The following RNF38 variants were observed in gnomAD, a reference collection of about 807,000 sequenced individuals.
The protein encoded by RNF38 is E3 ubiquitin-protein ligase RNF38.
A neutral mutation model predicts 67.2 loss-of-function variants in RNF38; 15 were observed. The observed-to-expected ratio is 0.22, with a 90% CI of 0.15 to 0.34. RNF38 has a LOEUF of 0.34. RNF38 is among the 10% of genes least tolerant of loss of function. The pLI, the probability that RNF38 is intolerant of heterozygous loss-of-function variation, is 1.00. For missense variants in RNF38, 524 were observed against 639.9 expected, an observed-to-expected ratio of 0.82 and a Z score of 1.95; for synonymous variants, 220 against 218.8, an observed-to-expected ratio of 1.01 and a Z score of -0.05.
chr9:36,474,748 A>T (rs1304922493), intron 1 of RNF38, among the ~76,000 whole-genome samples: 1 of 148,542 alleles, frequency 6.7e-6, no homozygotes, highest in Non-Finnish European at 1.5e-5. Flanking sequence ...AGTGACCACT[A>T]TTATCTAGAT....
At chr9:36,400,469 G>A, upstream of RNF38, 3 of 1,026,862 alleles carry the variant, frequency 2.9e-6, no homozygotes, top group Non-Finnish European at 3.5e-6. Context: ...CTTAGCCCAA[G>A]ACTCGGGCGC....
At chr9:36,444,909 G>A (rs1449323841) in intron 1 of RNF38, among the ~76,000 whole-genome samples, 1 of 143,678 alleles carries the variant, frequency 7.0e-6, no homozygotes, top group Non-Finnish European at 1.5e-5. Flanking sequence ...GCAGCTTTAA[G>A]AGCCATTCTC....
At chr9:36,362,292 A>G (rs1014521831) in intron 4 of RNF38, among the ~76,000 whole-genome samples, 2 of 151,444 alleles carry the variant, frequency 1.3e-5, no homozygotes, top group African/African-American at 4.9e-5. Flanking sequence ...CAGGAGGCGG[A>G]GGTTGCAGTG....
chr9:36,429,839 T>G (rs1838884042), intron 1 of RNF38, among the ~76,000 whole-genome samples: 1 of 152,200 alleles, frequency 6.6e-6, no homozygotes, highest in Non-Finnish European at 1.5e-5. Flanking sequence ...GTAATTGTAC[T>G]ACAGTTTTAC....
intron 1 of RNF38, among the ~76,000 whole-genome samples, chr9:36,434,204 C>A (rs1048053164): frequency 8.9e-5 from 13 of 145,848 alleles, no homozygotes; most frequent in African/African-American, 3.3e-4. Context: ...CCACTGCACT[C>A]CAGCTTGCCG....
At chr9:36,429,509 A>G (rs1440615179) in intron 1 of RNF38, among the ~76,000 whole-genome samples, 5 of 152,192 alleles carry the variant, frequency 3.3e-5, no homozygotes. Flanking sequence ...TATAAGACAC[A>G]GTGGCTCACG....
At position 36,407,130 on chromosome 9, in the gene RNF38, T is replaced by G. The variant is rs558606385; in HGVS notation, n.313-16514A>C. ...AACTTGATCTACTACTGCAAAACAA[T>G]CAGCATAAGCAGTTTCACCCAGAAA... On this transcript the variant is annotated intron_variant and non_coding_transcript_variant, in intron 2 of 3. Coordinates refer to the RNF38 transcript ENST00000488058. Among the ~76,000 whole-genome samples the G allele has an allele frequency of 1.3e-4, 20 of 152,308 alleles. No homozygotes were observed. The South Asian group carries it at 2.3e-3, about 17-fold the overall frequency.
At position 36,337,649 on chromosome 9, in the gene RNF38, A is replaced by AT. The variant is rs147870982; in HGVS notation, c.*2102dup. 24,405 of 152,408 alleles carry AT rather than the reference A, an allele frequency of 0.16. 2,573 individuals carry two copies. The highest frequency in any genetic ancestry group is 0.23 in the Non-Finnish European group (15,573 of 67,948). 9.4% of individuals were successfully genotyped at this position (152,408 alleles called of 1,614,324 possible). On this transcript the variant is annotated 3_prime_UTR_variant, in exon 12 of 12. Transcript: ENST00000259605. ...ATGGGCTTTTGCCATTTTAAACATG[A>AT]TTTTTTTTCATTAAAAAAGATTAAA...
chr9:36,443,011 T>C (rs1197089330), intron 1 of RNF38, among the ~76,000 whole-genome samples: 2 of 152,234 alleles, frequency 1.3e-5, no homozygotes, highest in Admixed American at 6.5e-5. Context: ...TACACAGTGA[T>C]GTCCCTCCAC....
intron 3 of RNF38, among the ~76,000 whole-genome samples, chr9:36,371,070 T>G (rs767310359): frequency 1.3e-5 from 2 of 152,188 alleles, no homozygotes; most frequent in Admixed American, 1.3e-4. Context: ...CAAAAGCAAC[T>G]TGAAAAAGTA....
At chr9:36,403,220 C>T (rs768317194), upstream of RNF38, among the ~76,000 whole-genome samples, 17 of 152,218 alleles carry the variant, frequency 1.1e-4, no homozygotes, top group Non-Finnish European at 2.1e-4. Context: ...AAAGTTATAC[C>T]AGAGCAGTCA....
At chr9:36,351,347 A>C (rs1436480126) in intron 8 of RNF38, 148 bp from the exon 9 acceptor site, 2 of 564,882 alleles carry the variant, frequency 3.5e-6, no homozygotes. Context: ...AGAACTGTAC[A>C]ATAAAAACTG....
chr9:36,346,852 T>C (rs1255257509), intron 9 of RNF38, among the ~76,000 whole-genome samples: 1 of 152,020 alleles, frequency 6.6e-6, no homozygotes, highest in Admixed American at 6.6e-5. Flanking sequence ...ACATGGTGGC[T>C]CAAGCCTGTA....
intron 1 of RNF38, among the ~76,000 whole-genome samples, chr9:36,391,807 G>A (rs905775804): frequency 7.2e-5 from 11 of 151,958 alleles, no homozygotes; most frequent in Admixed American, 6.6e-4. Context: ...TAGAGACGGG[G>A]TTTCACTGTG....
At chr9:36,442,193 C>G (rs567058622) in intron 1 of RNF38, among the ~76,000 whole-genome samples, 1 of 152,274 alleles carries the variant, frequency 6.6e-6, no homozygotes, top group Admixed American at 6.5e-5. Context: ...TTTGAACTCA[C>G]CGTAATCTGA....
chr9:36,357,783 G>A lies in RNF38; in HGVS notation c.730C>T (p.Pro244Ser). Residue 244 changes from proline (P) to serine (S), a missense_variant, in exon 5 of 12, where the codon CCT becomes TCT. Physicochemically the swap from Pro to Ser is moderately conservative, Grantham distance 74. This residue lies in a region of RNF38 where 461 missense variants were observed against 517.4 expected (regional missense o/e 0.89). Coordinates refer to ENST00000259605, the MANE Select transcript of RNF38 (RefSeq NM_022781.5). ...CAAAGATAGAGACTTACTGGAGGAG[G>A]CACACTACAGACAGGGAGGTGCTGT... ...SGQHLPVCSV[P>S]PPMLQACSVQ... 1 of 1,612,904 alleles carries A rather than the reference G, an allele frequency of 6.2e-7. No individual in the cohort carries two copies. Among genetic ancestry groups the A allele is most frequent in the Non-Finnish European group, 8.5e-7 (1 of 1,179,292 alleles).
intron 2 of RNF38, among the ~76,000 whole-genome samples, chr9:36,389,343 CCA>C (rs1836891104): frequency 3.1e-5 from 2 of 64,410 alleles, no homozygotes; most frequent in African/African-American, 1.1e-4. Flanking sequence ...AGAAAAGTAT[CCA>C]AAAAAAAAAA....
At chr9:36,347,087 T>C (rs1409035007) in intron 9 of RNF38, among the ~76,000 whole-genome samples, 1 of 109,926 alleles carries the variant, frequency 9.1e-6, no homozygotes, top group Non-Finnish European at 1.7e-5. Flanking sequence ...ACCATTGCAC[T>C]CCAAGCCTGG....
At chr9:36,422,311 C>T (rs1838650135) in intron 2 of RNF38, among the ~76,000 whole-genome samples, 1 of 151,958 alleles carries the variant, frequency 6.6e-6, no homozygotes, top group Admixed American at 6.6e-5. Context: ...GTAATCCCAG[C>T]TACTCAGGAG....
Sources: gnomAD v4.1 joint callset for allele counts (sites outside exome capture counted in the v4.1 genomes callset) on GRCh38, gnomAD v4.1.1 for gene constraint, gnomAD v4.1.1 regional missense constraint, MANE v1.5 for transcripts, NCBI Gene and HGNC (gene_info 2026-07-23, HGNC 2026-07-21) for gene names.